The following DMD variants were observed in gnomAD, a reference collection of about 807,000 sequenced individuals.
DMD encodes the protein dystrophin, also known as mutant dystrophin.
In DMD, 63 loss-of-function variants were observed where a neutral mutation model predicts 330.1. The observed-to-expected ratio is 0.19, with a 90% CI of 0.16 to 0.24. The LOEUF is 0.24. Among genes scored for constraint, DMD ranks in the 10% least tolerant of loss-of-function variants. DMD has a pLI of 1.00. For missense variants in DMD, 3,344 were observed against 2,684.1 expected, an observed-to-expected ratio of 1.25 and a Z score of -5.43; for synonymous variants, 1,223 against 959.8, an observed-to-expected ratio of 1.27 and a Z score of -5.07.
At chrX:32,855,287 G>A (rs1419297543) in intron 2 of DMD, among the ~76,000 whole-genome samples, 8 of 111,818 alleles carry the variant, frequency 7.2e-5, no homozygotes, top group Admixed American at 6.6e-4. Flanking sequence ...TTTCACTACT[G>A]TTGTTTAACA....
At chrX:31,433,967 T>C (rs1343707480) in intron 60 of DMD, among the ~76,000 whole-genome samples, 9 of 112,205 alleles carry the variant, frequency 8.0e-5, no homozygotes, top group African/African-American at 2.9e-4. Context: ...ATTTATAGAA[T>C]GCTTACTATA....
chrX:32,582,702 T>C (rs2053783161), intron 13 of DMD, among the ~76,000 whole-genome samples: 1 of 111,790 alleles, frequency 8.9e-6, no homozygotes, highest in African/African-American at 3.3e-5. Context: ...AAATGGCTTT[T>C]ACTGACCAAC....
At chrX:31,321,932 A>T (rs1482989698) in intron 62 of DMD, among the ~76,000 whole-genome samples, 1 of 111,365 alleles carries the variant, frequency 9.0e-6, no homozygotes, top group East Asian at 2.8e-4. Context: ...ATGTACTGGG[A>T]TCTCTTGTAG....
rs1602459627 is a variant in DMD, at chrX:32,644,176, T to C, written c.1287A>G (p.Ser429=). The C allele has an allele frequency of 8.3e-7, 1 of 1,210,723 alleles. No homozygotes were observed. The change falls in exon 11 of 79, where the codon TCA becomes TCG. Residue 429 remains serine (S), a synonymous_variant. Transcript: ENST00000357033. The part of the protein sequence containing the change: ...EVQEQMNLLN[S]RWECLRVASM... ...TAGCTACCCTGAGGCATTCCCATCTTGAATTTAGGAGATTCATCTGCTCTT... is the reference window on the plus strand; with the variant it reads ...TAGCTACCCTGAGGCATTCCCATCTCGAATTTAGGAGATTCATCTGCTCTT...
chrX:32,266,633 T>C (rs998192875), intron 43 of DMD, among the ~76,000 whole-genome samples: 16 of 111,749 alleles, frequency 1.4e-4, no homozygotes, highest in African/African-American at 4.9e-4. Flanking sequence ...AAACGTTTCA[T>C]ATTTAATATA....
chrX:32,860,782 C>T (rs2149083156), intron 2 of DMD, among the ~76,000 whole-genome samples: 1 of 110,796 alleles, frequency 9.0e-6, no homozygotes, highest in East Asian at 2.8e-4. Context: ...CTTCCTCACA[C>T]CCCCTATGTG....
At chrX:32,732,792 C>T (rs1285203310) in intron 7 of DMD, among the ~76,000 whole-genome samples, 1 of 110,192 alleles carries the variant, frequency 9.1e-6, no homozygotes, top group African/African-American at 3.3e-5. Context: ...CAACCGGTAC[C>T]AGCCGCTGCA....
At chrX:31,613,633 C>A (rs945129849) in intron 55 of DMD, among the ~76,000 whole-genome samples, 14 of 111,554 alleles carry the variant, frequency 1.3e-4, no homozygotes, top group African/African-American at 4.6e-4. Flanking sequence ...CTTCTCTGAT[C>A]TTACTCATAA....
At chrX:32,679,901 A>ATTTTTTTTT (rs1569447513) in intron 9 of DMD, among the ~76,000 whole-genome samples, 5 of 30,954 alleles carry the variant, frequency 1.6e-4, no homozygotes, top group African/African-American at 6.6e-4. Flanking sequence ...TAATATTTGT[A>ATTTTTTTTT]CTTTTTTTTT....
At chrX:32,116,643 A>C (rs1054943105) in intron 44 of DMD, among the ~76,000 whole-genome samples, 9 of 112,388 alleles carry the variant, frequency 8.0e-5, no homozygotes, top group Non-Finnish European at 1.7e-4. Context: ...CTAAAAGCAA[A>C]GATTTCTGAA....
Position 32,310,144 on chromosome X carries a change from T to C in DMD, c.6055A>G (p.Asn2019Asp). Residue 2019 changes from asparagine to aspartate, a missense_variant, in exon 42 of 79, where the codon AAT becomes GAT. Transcript: ENST00000357033. ...QALLEVEQLL[N>D]APDLCAKDFE... ...TCCTTAGCACAGAGGTCAGGAGCAT[T>C]GAGAAGTTGTTCCACTTCTAATAGG... The C allele has an allele frequency of 8.3e-7, 1 of 1,209,565 alleles. No individual in the cohort carries two copies. Among genetic ancestry groups the C allele is most frequent in the Non-Finnish European group, 1.1e-6 (1 of 893,906 alleles).
intron 60 of DMD, among the ~76,000 whole-genome samples, chrX:31,443,062 T>C (rs984845741): frequency 7.2e-5 from 8 of 111,821 alleles, no homozygotes; most frequent in African/African-American, 2.3e-4. Context: ...TGGTTTATTA[T>C]ATTTTTCTTA....
Position 32,252,785 on chromosome X carries a change from T to TATAA in DMD, c.6290+34743_6290+34744insTTAT, listed in dbSNP as rs2097276350. 2.2e-4 allele frequency among the ~76,000 whole-genome samples: 9 copies of TATAA among 41,309 alleles called. 2 individuals are homozygous for TATAA. Among genetic ancestry groups the TATAA allele is most frequent in the Middle Eastern group, 8.3e-3 (1 of 120 alleles). The allele number at this position is 41,309 out of a possible 115,157, so 35.9% of individuals were successfully genotyped here. On this transcript the variant is annotated intron_variant, in intron 43 of 78. Transcript: ENST00000357033. ...ATAAATATATATAAATATATATAAA[T>TATAA]ATATATAAATATATATATAAATATA...
chrX:32,880,352 G>C (rs938878675), intron 2 of DMD, among the ~76,000 whole-genome samples: 3 of 108,612 alleles, frequency 2.8e-5, no homozygotes, highest in Non-Finnish European at 5.7e-5. Context: ...TATAAAAGAT[G>C]TTTAATCAAT....
At position 32,889,278 on chromosome X, in the gene DMD, C is replaced by G. The variant is rs1172326959; in HGVS notation, c.94-39458G>C. Reference sequence around the variant, plus strand: ...CAGTAGAATAATTTCCCACATGCCTCCAGCAAACACAGTGCTCAATGGGTT... The same window carrying G: ...CAGTAGAATAATTTCCCACATGCCTGCAGCAAACACAGTGCTCAATGGGTT... On this transcript the variant is annotated intron_variant, in intron 2 of 78. Coordinates refer to ENST00000357033, the MANE Select transcript of DMD (RefSeq NM_004006.3). 3.6e-5 allele frequency among the ~76,000 whole-genome samples: 4 copies of G among 111,307 alleles called. No individual in the cohort carries two copies. The East Asian group carries it at 1.1e-3, about 31-fold the overall frequency.
intron 30 of DMD, among the ~76,000 whole-genome samples, chrX:32,391,861 T>C (rs2098005076): frequency 8.9e-6 from 1 of 111,928 alleles, no homozygotes; most frequent in African/African-American, 3.2e-5. Context: ...GAGTAACAGA[T>C]GCTTTAGAGG....
intron 43 of DMD, among the ~76,000 whole-genome samples, chrX:32,232,856 A>G (rs749304218): frequency 1.8e-4 from 20 of 112,092 alleles, no homozygotes; most frequent in Non-Finnish European, 3.8e-5. Context: ...GCAAGTAAAT[A>G]TAGCTGCCGT....
chrX:33,008,930 A>G (rs1312370891), intron 2 of DMD, among the ~76,000 whole-genome samples: 4 of 84,578 alleles, frequency 4.7e-5, no homozygotes, highest in African/African-American at 1.2e-4. Context: ...ATATACATGT[A>G]TATATACACA....
chrX:33,229,494 G>T lies in DMD; in HGVS notation c.7+109765C>A, dbSNP rs114235635. On this transcript the variant is annotated intron_variant, in intron 1 of 17. Coordinates refer to the DMD transcript ENST00000288447. ...AAAACGCACACTATTTGTTGAAAAG[G>T]CTATAGAAATGGAAAGGCTGTTAAA... 5.4e-5 allele frequency among the ~76,000 whole-genome samples: 6 copies of T among 111,383 alleles called. No individual in the cohort carries two copies. In the South Asian group the frequency reaches 1.5e-3, roughly 27 times the overall value.
Sources: gnomAD v4.1 joint callset for allele counts (sites outside exome capture counted in the v4.1 genomes callset) on GRCh38, gnomAD v4.1.1 for gene constraint, MANE v1.5 for transcripts, NCBI Gene and HGNC (gene_info 2026-07-23, HGNC 2026-07-21) for gene names.